The following CPSF4L variants were observed in gnomAD, a reference collection of about 807,000 sequenced individuals.
CPSF4L encodes the protein cleavage and polyadenylation specific factor 4 like, also known as putative cleavage and polyadenylation specificity factor subunit 4-like protein.
Under a neutral mutation model 24.0 loss-of-function variants are expected in CPSF4L, and 18 were observed. The observed-to-expected ratio is 0.75, with a 90% confidence interval of 0.52 to 1.11. CPSF4L has a LOEUF of 1.11. Ranked by LOEUF, CPSF4L falls within the 50% of genes least tolerant of loss-of-function variation. The probability of loss-of-function intolerance (pLI) is 0.00; values close to 1 mark genes in which losing one functional copy is unlikely to be tolerated. For synonymous variants in CPSF4L, 72 were observed against 77.2 expected (o/e 0.93, Z 0.35); for missense variants, 211 against 221.8 (o/e 0.95, Z 0.31).
At chr17:73,249,204 A>G (rs2061991213) in intron 5 of CPSF4L, among the ~76,000 whole-genome samples, 1 of 152,180 alleles carries the variant, frequency 6.6e-6, no homozygotes, top group African/African-American at 2.4e-5. Flanking sequence ...GTGCCATCAT[A>G]CTATATATAA....
chr17:73,248,481 TAAG>T lies in CPSF4L; in HGVS notation c.*10_*12del. The T allele has an allele frequency of 6.4e-7, 1 of 1,551,354 alleles. No homozygotes were observed. ...TGTGGCATTGGAGTGCCCCGCTAGG[TAAG>T]AAGCAACGCTTAGATCTTGCTTCCA... On this transcript the variant is annotated 3_prime_UTR_variant, in exon 6 of 6. Transcript: ENST00000344935.
At chr17:73,251,928 A>G (rs2062007521) in intron 5 of CPSF4L, among the ~76,000 whole-genome samples, 1 of 152,254 alleles carries the variant, frequency 6.6e-6, no homozygotes, top group Admixed American at 6.5e-5. Flanking sequence ...TGGACTGGTC[A>G]ACAGAGAAGT....
chr17:73,250,198 CA>C, intron 5 of CPSF4L: 1 of 1,534,878 alleles, frequency 6.5e-7, no homozygotes, highest in Middle Eastern at 1.7e-4. Context: ...AACAGAATCC[CA>C]TAGTAAGACC....
At chr17:73,259,042 A>C (rs200494821) in intron 2 of CPSF4L, among the ~76,000 whole-genome samples, 1 of 82,070 alleles carries the variant, frequency 1.2e-5, no homozygotes, top group South Asian at 3.8e-4. Context: ...AAGTTTCTTT[A>C]ATTTATTTAT....
chr17:73,247,613 A>G (rs2061970054), downstream of CPSF4L: 1 of 352,268 alleles, frequency 2.8e-6, no homozygotes. Context: ...TAATGAGAAT[A>G]GAACTATTTA....
chr17:73,259,663 G>A (rs2062037848), intron 2 of CPSF4L, among the ~76,000 whole-genome samples: 1 of 152,152 alleles, frequency 6.6e-6, no homozygotes, highest in Non-Finnish European at 1.5e-5. Flanking sequence ...GCAGGGTCCT[G>A]GGTGCACAAG....
In CPSF4L at chr17:73,250,331, A is replaced by G. The variant is rs1425928947; in HGVS notation, c.498-1795T>C. The G allele has an allele frequency of 5.2e-6, 8 of 1,550,172 alleles. 1 individual carries two copies. In the South Asian group the frequency reaches 8.3e-5, roughly 16 times the overall value. The stretch of plus-strand genomic sequence containing the variant: ...AAAAACAGAAAAAGTGAATGGCATG[A>G]CTTTTTGTAAATTCAGATTTCTAAA... On this transcript the variant is annotated intron_variant, in intron 5 of 5. Transcript: ENST00000344935.
At chr17:73,248,885 CTT>C (rs2061988510) in intron 5 of CPSF4L, 1 of 230,564 alleles carries the variant, frequency 4.3e-6, no homozygotes, top group Non-Finnish European at 8.6e-6. Context: ...TCAGCAGACT[CTT>C]TTATACTTTA....
Position 73,250,895 on chromosome 17 carries a change from C to T in CPSF4L, c.497+1735G>A, listed in dbSNP as rs2062002965. 54 of 1,167,126 alleles carry T rather than the reference C, an allele frequency of 4.6e-5. 1 individual carries two copies. In the South Asian group the frequency reaches 9.9e-4, roughly 21 times the overall value. 72.3% of individuals were successfully genotyped at this position (1,167,126 alleles called of 1,614,324 possible). On this transcript the variant is annotated intron_variant, in intron 5 of 5. Transcript: ENST00000344935. ...TATCTGCTGCAGAAAAGGAGTCATT[C>T]TCCAGCTCCCTGATCATTCCTTGCC... is the stretch of plus-strand genomic sequence containing the variant.
downstream of CPSF4L, chr17:73,247,292 G>A: frequency 6.2e-7 from 1 of 1,614,178 alleles, no homozygotes; most frequent in Non-Finnish European, 8.5e-7. Flanking sequence ...CCATGCATTG[G>A]TGTGGCGAAG....
downstream of CPSF4L, among the ~76,000 whole-genome samples, chr17:73,243,552 T>C (rs2061890614): frequency 6.7e-6 from 1 of 149,948 alleles, no homozygotes; most frequent in African/African-American, 2.5e-5. Flanking sequence ...TGTTGTCTTT[T>C]TTTTTTTTTT....
chr17:73,250,908 A>AAG lies in CPSF4L; in HGVS notation c.497+1721_497+1722insCT, dbSNP rs200328820. The AAG allele has an allele frequency of 5.0e-3, 6,356 of 1,277,522 alleles. 42 individuals are homozygous for AAG. The highest frequency in any genetic ancestry group is 0.01 in the Admixed American group (369 of 35,312). 79.1% of individuals were successfully genotyped at this position (1,277,522 alleles called of 1,614,324 possible). ...AAAGGAGTCATTCTCCAGCTCCCTG[A>AAG]TCATTCCTTGCCCTCCCAGCTCTCA... On this transcript the variant is annotated intron_variant, in intron 5 of 5. Transcript: ENST00000344935.
At chr17:73,244,004 C>G (rs1291407859), downstream of CPSF4L, among the ~76,000 whole-genome samples, 1 of 152,156 alleles carries the variant, frequency 6.6e-6, no homozygotes, top group Non-Finnish European at 1.5e-5. Context: ...TGTCACTTAC[C>G]AATGTGTCTA....
chr17:73,242,206 C>T, the CPSF4L span: 20 of 1,403,272 alleles, frequency 1.4e-5, no homozygotes, highest in African/African-American at 1.3e-4. Context: ...GGGTACGTTT[C>T]GGTAAACAAT....
chr17:73,258,872 C>T (rs10468448), intron 2 of CPSF4L, among the ~76,000 whole-genome samples: 102,513 of 152,156 alleles, frequency 0.67, 37,380 homozygotes, highest in Non-Finnish European at 0.81. Context: ...TTAAAAACAT[C>T]AAATGTTATG....
intron 3 of CPSF4L, 80 bp downstream of exon 3, chr17:73,257,601 G>A (rs984153414): frequency 6.3e-5 from 91 of 1,442,192 alleles, no homozygotes; most frequent in South Asian, 2.1e-4. Flanking sequence ...CTGCGTGCCC[G>A]CTCCTCTAGA....
rs145660280 is a variant in CPSF4L at position 73,261,640 on chromosome 17, T to A, written c.103+76A>T. 13 of 1,022,306 alleles carry A rather than the reference T, an allele frequency of 1.3e-5. No individual in the cohort carries two copies. In the East Asian group the frequency reaches 1.8e-4, roughly 14 times the overall value. The allele number at this position is 1,022,306 out of a possible 1,614,324, so 63.3% of individuals were successfully genotyped here. ...TGTGCCACTACACTCCAGCCTGGGC[T>A]ACAGAGCGAGACTCCGTCTCAAAGA... On this transcript the variant is annotated intron_variant, in intron 1 of 5. Coordinates refer to ENST00000344935, the MANE Select transcript of CPSF4L (RefSeq NM_001129885.1).
chr17:73,245,845 C>G (rs2061943330), downstream of CPSF4L: 19 of 478,914 alleles, frequency 4.0e-5, no homozygotes, highest in Non-Finnish European at 5.2e-5. Context: ...GAACCGGTGG[C>G]TAATGTATCA....
At chr17:73,260,223 CTT>C (rs1165532867) in intron 2 of CPSF4L, among the ~76,000 whole-genome samples, 4 of 152,152 alleles carry the variant, frequency 2.6e-5, no homozygotes, top group Admixed American at 6.5e-5. Flanking sequence ...GGATGCCTCT[CTT>C]CTAGCTGGGA....
Sources: gnomAD v4.1 joint callset for allele counts (sites outside exome capture counted in the v4.1 genomes callset) on GRCh38, gnomAD v4.1.1 for gene constraint, MANE v1.5 for transcripts, NCBI Gene and HGNC (gene_info 2026-07-23, HGNC 2026-07-21) for gene names.